PIP4K2A: variants seen among roughly 807,000 people sequenced by gnomAD.
PIP4K2A encodes phosphatidylinositol-5-phosphate 4-kinase type 2 alpha, also known as phosphatidylinositol 5-phosphate 4-kinase type-2 alpha.
In PIP4K2A, 14 loss-of-function variants were observed where a neutral mutation model predicts 42.9. That is an observed-to-expected ratio of 0.33 (90% CI 0.22 to 0.51). PIP4K2A has a LOEUF of 0.51. PIP4K2A is among the 20% of genes least tolerant of loss of function. The pLI is 0.97. For synonymous variants in PIP4K2A, 192 were observed against 192.2 expected (o/e 1.00, Z 0.01); for missense variants, 434 against 519.8 (o/e 0.83, Z 1.61).
At chr10:22,553,019 C>A in intron 6 of PIP4K2A, among the ~76,000 whole-genome samples, 1 of 152,012 alleles carries the variant, frequency 6.6e-6, no homozygotes, top group East Asian at 1.9e-4. Context: ...TCAGGTTCAC[C>A]CCAGCAGAAT....
At position 22,710,582 on chromosome 10, in the gene PIP4K2A, C is replaced by A. The variant is rs186965753; in HGVS notation, c.144+3601G>T. 3.3e-3 allele frequency among the ~76,000 whole-genome samples: 498 copies of A among 152,226 alleles called. 2 individuals are homozygous for A. Among genetic ancestry groups the A allele is most frequent in the African/African-American group, 0.011 (473 of 41,524 alleles). On this transcript the variant is annotated intron_variant, in intron 1 of 9. Transcript: ENST00000376573. ...AGCCAGCTATGAAGGAGAACTGAGC[C>A]AAAGGGTACAGAAAAGTCCCACGCA...
chr10:22,555,036 C>T (rs1219846887), intron 6 of PIP4K2A, among the ~76,000 whole-genome samples: 1 of 152,240 alleles, frequency 6.6e-6, no homozygotes, highest in Admixed American at 6.5e-5. Flanking sequence ...AATGCACAAA[C>T]ACAGCCACAG....
chr10:22,682,733 C>G (rs1228059256), intron 1 of PIP4K2A, among the ~76,000 whole-genome samples: 1 of 152,154 alleles, frequency 6.6e-6, no homozygotes, highest in Non-Finnish European at 1.5e-5. Flanking sequence ...CCAGACTGAG[C>G]CAGTCTGAAC....
chr10:22,671,997 A>G (rs986243049), intron 1 of PIP4K2A, among the ~76,000 whole-genome samples: 3 of 152,202 alleles, frequency 2.0e-5, no homozygotes, highest in Admixed American at 1.3e-4. Context: ...AGTCAAAGCT[A>G]TTAGACAAAT....
At chr10:22,664,156 T>TATATATATACAC (rs1564460170) in intron 1 of PIP4K2A, among the ~76,000 whole-genome samples, 9 of 59,516 alleles carry the variant, frequency 1.5e-4, no homozygotes, top group Non-Finnish European at 2.7e-5. Flanking sequence ...TATATACACA[T>TATATATATACAC]ATATATATAT....
At chr10:22,652,919 C>A (rs886374800) in intron 1 of PIP4K2A, among the ~76,000 whole-genome samples, 2 of 152,024 alleles carry the variant, frequency 1.3e-5, no homozygotes, top group South Asian at 2.1e-4. Context: ...CATAATGAGA[C>A]CCCCATCTCC....
rs1564460297 is a variant in PIP4K2A at position 22,664,194 on chromosome 10, T to TATATATATATACATATATATAC, written c.144+49988_144+49989insGTATATATATGTATATATATAT. On this transcript the variant is annotated intron_variant, in intron 1 of 9. Coordinates refer to ENST00000376573, the MANE Select transcript of PIP4K2A (RefSeq NM_005028.5). ...ATATATATATATACATATATATACA[T>TATATATATATACATATATATAC]ATATATATACATATATATATATACA... Among the ~76,000 whole-genome samples the TATATATATATACATATATATAC allele has an allele frequency of 4.7e-4, 31 of 66,146 alleles. 2 individuals carry two copies. The highest frequency in any genetic ancestry group is 6.1e-4 in the Non-Finnish European group (25 of 40,694). The allele number at this position is 66,146 out of a possible 152,430, so 43.4% of individuals were successfully genotyped here.
chr10:22,675,494 G>A (rs1839539022), intron 1 of PIP4K2A, among the ~76,000 whole-genome samples: 1 of 152,190 alleles, frequency 6.6e-6, no homozygotes, highest in Non-Finnish European at 1.5e-5. Flanking sequence ...GCTGAGGCAG[G>A]AGAATCGCTT....
chr10:22,637,594 G>T (rs1004023962), intron 1 of PIP4K2A, among the ~76,000 whole-genome samples: 1 of 152,144 alleles, frequency 6.6e-6, no homozygotes, highest in East Asian at 1.9e-4. Context: ...TGGGTTATTT[G>T]TTCTTTTCTT....
chr10:22,650,059 T>C (rs1203555654), intron 1 of PIP4K2A, among the ~76,000 whole-genome samples: 2 of 152,142 alleles, frequency 1.3e-5, no homozygotes, highest in Admixed American at 1.3e-4. Context: ...ATCCATGGGA[T>C]TTGGCTCAAA....
At chr10:22,582,785 A>G (rs1837307956) in intron 4 of PIP4K2A, among the ~76,000 whole-genome samples, 1 of 152,038 alleles carries the variant, frequency 6.6e-6, no homozygotes, top group African/African-American at 2.4e-5. Flanking sequence ...ATGACCAAAT[A>G]AATAAATAAA....
intron 4 of PIP4K2A, among the ~76,000 whole-genome samples, chr10:22,582,969 T>C (rs1035099296): frequency 1.3e-5 from 2 of 151,610 alleles, no homozygotes; most frequent in African/African-American, 4.8e-5. Flanking sequence ...AATGAAACTT[T>C]ACTGCTTTTC....
At chr10:22,601,477 C>T (rs374219582) in intron 3 of PIP4K2A, among the ~76,000 whole-genome samples, 5 of 152,174 alleles carry the variant, frequency 3.3e-5, no homozygotes, top group Admixed American at 2.0e-4. Flanking sequence ...CAGAGAGGGG[C>T]CTCCCTTGGG....
intron 4 of PIP4K2A, among the ~76,000 whole-genome samples, chr10:22,576,592 C>T (rs1187710845): frequency 1.3e-5 from 2 of 152,154 alleles, no homozygotes; most frequent in Non-Finnish European, 2.9e-5. Flanking sequence ...GACCTTGGGA[C>T]AGTTATTCAA....
chr10:22,630,350 C>T (rs951187081), intron 1 of PIP4K2A, among the ~76,000 whole-genome samples: 3 of 124,506 alleles, frequency 2.4e-5, no homozygotes, highest in African/African-American at 5.6e-5. Context: ...ATCACCATAA[C>T]AGTTTAATCA....
chr10:22,684,267 G>A (rs185936227), intron 1 of PIP4K2A, among the ~76,000 whole-genome samples: 14 of 152,204 alleles, frequency 9.2e-5, no homozygotes, highest in African/African-American at 2.6e-4. Flanking sequence ...TGATTGGGTC[G>A]TTTTAATTAA....
intron 6 of PIP4K2A, among the ~76,000 whole-genome samples, chr10:22,553,212 G>A (rs991961634): frequency 5.3e-5 from 8 of 152,176 alleles, no homozygotes; most frequent in South Asian, 2.1e-4. Context: ...ATCAAGAGGC[G>A]AAGGCGGATC....
chr10:22,686,563 A>C (rs1325548753), intron 1 of PIP4K2A, among the ~76,000 whole-genome samples: 1 of 152,156 alleles, frequency 6.6e-6, no homozygotes, highest in Non-Finnish European at 1.5e-5. Flanking sequence ...TGCAGCCTTG[A>C]ACTCCTGGGC....
chr10:22,594,519 C>T (rs1208517254), intron 3 of PIP4K2A, among the ~76,000 whole-genome samples: 3 of 152,310 alleles, frequency 2.0e-5, no homozygotes, highest in East Asian at 3.9e-4. Context: ...CCTCTGCCTC[C>T]TGAGTAGCTG....
Sources: allele counts gnomAD v4.1 joint callset (sites outside exome capture counted in the v4.1 genomes callset), GRCh38; gene constraint gnomAD v4.1.1; transcripts MANE v1.5; gene names NCBI Gene and HGNC (gene_info 2026-07-23, HGNC 2026-07-21).